STRN4: variants seen among roughly 807,000 people sequenced by gnomAD.
STRN4 encodes the protein striatin-4.
STRN4 carries 27 observed loss-of-function variants against 77.9 expected under a neutral mutation model. The ratio of observed to expected loss-of-function variants is 0.35; its 90% CI spans 0.26 to 0.48. The LOEUF (loss-of-function observed/expected upper bound fraction) is 0.48. STRN4 is among the 20% of genes least tolerant of loss of function. STRN4 has a pLI of 0.99. For synonymous variants in STRN4, 466 were observed against 443.1 expected, an observed-to-expected ratio of 1.05 and a Z score of -0.65; for missense variants, 798 against 1,049.7, an observed-to-expected ratio of 0.76 and a Z score of 3.31.
chr19:46,727,421 G>A (rs1178743697), intron 9 of STRN4, 31 bp downstream of exon 9: 1 of 1,588,910 alleles, frequency 6.3e-7, no homozygotes, highest in Non-Finnish European at 8.6e-7. Flanking sequence ...ATGCCAATGG[G>A]GACAGTGTGG....
rs1480102034 is a variant in STRN4, at chr19:46,724,839, G to A, written c.1562C>T (p.Pro521Leu). 1.9e-6 allele frequency: 3 copies of A among 1,613,792 alleles called. No individual in the cohort carries two copies. Among genetic ancestry groups the A allele is most frequent in the Non-Finnish European group, 2.5e-6 (3 of 1,180,028 alleles). Reference sequence around the variant, plus strand: ...ATCATAGGGATCCATGCTGAGGTCTGGAATCTTCCAACTATGGATGCAGGC... The same window carrying A: ...ATCATAGGGATCCATGCTGAGGTCTAGAATCTTCCAACTATGGATGCAGGC... ...ADACIHSWKIPDLSMDPYDGY... is the reference protein window; with the variant it reads ...ADACIHSWKILDLSMDPYDGY... The change falls in exon 12 of 18, where the codon CCA (proline) becomes CTA (leucine). Residue 521 changes from proline to leucine, a missense_variant. Around this residue, in one of 2 missense-constraint regions of STRN4, gnomAD observed 287 missense variants for 473.8 expected, o/e 0.61. Transcript: ENST00000263280.
rs528715000 is a variant in STRN4, at chr19:46,744,542, C to T, written c.282+1607G>A. ...GGGACTACAGGCGCATGTCACCACACCCGGCTAATTTTTGTACTTTTTTGT... is the reference window on the plus strand; with the variant it reads ...GGGACTACAGGCGCATGTCACCACATCCGGCTAATTTTTGTACTTTTTTGT... On this transcript the variant is annotated intron_variant, in intron 1 of 17. Transcript: ENST00000263280. Among the ~76,000 whole-genome samples the T allele has an allele frequency of 2.6e-5, 4 of 152,170 alleles. 1 individual carries two copies. The highest frequency in any genetic ancestry group is 2.6e-4 in the Admixed American group (4 of 15,274).
At chr19:46,729,457 G>A (rs984238452) in intron 6 of STRN4, among the ~76,000 whole-genome samples, 1 of 152,182 alleles carries the variant, frequency 6.6e-6, no homozygotes, top group Non-Finnish European at 1.5e-5. Flanking sequence ...CACCTCTCGG[G>A]CACCAGTGAG....
rs539622463 is a variant in STRN4 at position 46,721,089 on chromosome 19, AAAG to A, written c.2093-321_2093-319del. ...CGCTGCAGCTGGGCAACAGGAAGAG[AAAG>A]AAGAAAGCAACCCAGCCGGTCAGTG... On this transcript the variant is annotated intron_variant, in intron 16 of 17. Coordinates refer to ENST00000263280, the MANE Select transcript of STRN4 (RefSeq NM_013403.3). The A allele has an allele frequency of 9.5e-5, 24 of 252,860 alleles. No homozygotes were observed. In the South Asian group the frequency reaches 1.3e-3, roughly 13 times the overall value. The allele number at this position is 252,860 out of a possible 1,614,324, so 15.7% of individuals were successfully genotyped here.
chr19:46,727,665 G>A (rs1352202161), intron 8 of STRN4, 119 bp from the exon 9 acceptor site: 9 of 854,850 alleles, frequency 1.1e-5, no homozygotes, highest in African/African-American at 1.7e-5. Context: ...GAGAGAGACG[G>A]GGAGAGGACA....
At chr19:46,734,119 A>G (rs2054310427) in intron 4 of STRN4, among the ~76,000 whole-genome samples, 1 of 152,182 alleles carries the variant, frequency 6.6e-6, no homozygotes, top group African/African-American at 2.4e-5. Flanking sequence ...CCCCACCAAA[A>G]GAGAGACAGG....
At chr19:46,740,509 T>C (rs1054967201) in intron 1 of STRN4, among the ~76,000 whole-genome samples, 1 of 151,852 alleles carries the variant, frequency 6.6e-6, no homozygotes, top group Non-Finnish European at 1.5e-5. Flanking sequence ...AAATCTACTC[T>C]CTGAATCACT....
Position 46,722,329 on chromosome 19 carries a change from T to C in STRN4, c.1918A>G (p.Ile640Val). The change falls in exon 15 of 18, where the codon ATC (isoleucine) becomes GTC (valine). Residue 640 changes from isoleucine (I) to valine (V), a missense_variant. By Grantham distance (29) the Ile-to-Val change is conservative. Around this residue, in one of 2 missense-constraint regions of STRN4, gnomAD observed 287 missense variants for 473.8 expected, o/e 0.61. Coordinates refer to ENST00000263280, the MANE Select transcript of STRN4 (RefSeq NM_013403.3). ...ESRGSSGPTQ[I>V]NQVVSHPNQP... ...TTTGGATGACTCACCACTTGGTTGA[T>C]CTGGGTTGGACCTGAAGGAAAACGC... 1 of 1,614,100 alleles carries C rather than the reference T, an allele frequency of 6.2e-7. No individual in the cohort carries two copies. Among genetic ancestry groups the C allele is most frequent in the South Asian group, 1.1e-5 (1 of 91,080 alleles).
In STRN4 at chr19:46,725,519, C is replaced by G; in HGVS notation, c.1378G>C (p.Gly460Arg). 6.2e-7 allele frequency: 1 copy of G among 1,614,178 alleles called. No individual in the cohort carries two copies. The highest frequency in any genetic ancestry group is 8.5e-7 in the Non-Finnish European group (1 of 1,180,024). Reference sequence around the variant, plus strand: ...TGCAGGTTCCAGAGCTTGAGCGTGCCGTCCTCGGAGGCGGTGAGCAGAGCC... The same window carrying G: ...TGCAGGTTCCAGAGCTTGAGCGTGCGGTCCTCGGAGGCGGTGAGCAGAGCC... Reference protein sequence around the residue: ...QSALLTASEDGTLKLWNLQKA... With the variant: ...QSALLTASEDRTLKLWNLQKA... The change falls in exon 10 of 18, where the codon GGC (glycine) becomes CGC (arginine). Residue 460 changes from glycine (G) to arginine (R), a missense_variant. Around this residue, in one of 2 missense-constraint regions of STRN4, gnomAD observed 287 missense variants for 473.8 expected, o/e 0.61. Coordinates refer to ENST00000263280, the MANE Select transcript of STRN4 (RefSeq NM_013403.3).
At position 46,734,751 on chromosome 19, in the gene STRN4, G is replaced by A. The variant is rs542763910; in HGVS notation, c.540-1515C>T. Among the ~76,000 whole-genome samples the A allele has an allele frequency of 1.2e-4, 19 of 152,218 alleles. No homozygotes were observed. The South Asian group carries it at 3.7e-3, about 30-fold the overall frequency. ...ACGATCTCGGCTCACTGCAAGCTCC[G>A]TCTCCCGGGTTCACGCCATTCTCCT... On this transcript the variant is annotated intron_variant, in intron 4 of 17. Coordinates refer to ENST00000263280, the MANE Select transcript of STRN4 (RefSeq NM_013403.3).
chr19:46,737,181 A>G (rs968090881), intron 3 of STRN4, among the ~76,000 whole-genome samples: 6 of 152,208 alleles, frequency 3.9e-5, no homozygotes, highest in Non-Finnish European at 8.8e-5. Context: ...TGGTTCTGAG[A>G]GAAGGGCCGA....
In STRN4 at chr19:46,728,590, G is replaced by C. The variant is rs370821524; in HGVS notation, c.1039+28C>G. ...CACCCCCTCGGTGGGGAAGGCAAGC[G>C]GGGGCTGGCCAGAAAACGTCAGCTC... On this transcript the variant is annotated intron_variant, in intron 7 of 17. Transcript: ENST00000263280. 8.1e-6 allele frequency: 13 copies of C among 1,603,170 alleles called. No homozygotes were observed. In the Admixed American group the frequency reaches 1.7e-4, roughly 21 times the overall value.
chr19:46,725,902 T>C, intron 9 of STRN4: 1 of 519,036 alleles, frequency 1.9e-6, no homozygotes. Flanking sequence ...GGTCTTGCAG[T>C]TGAGAGGAAG....
chr19:46,722,659 TC>T, intron 14 of STRN4, 150 bp downstream of exon 14: 1 of 1,269,272 alleles, frequency 7.9e-7, no homozygotes, highest in Non-Finnish European at 1.1e-6. Flanking sequence ...CCGGGGGCCC[TC>T]CACTGGGACC....
At chr19:46,728,380 G>A (rs913492187) in intron 7 of STRN4, 12 of 613,698 alleles carry the variant, frequency 2.0e-5, no homozygotes, top group African/African-American at 5.6e-5. Flanking sequence ...GAGGGCTGGC[G>A]GCCCCACTTC....
chr19:46,720,460 ACTGCGGGGCT>A (rs2053950478), intron 17 of STRN4, 66 bp downstream of exon 17: 2 of 1,051,962 alleles, frequency 1.9e-6, no homozygotes, highest in East Asian at 6.2e-5. Context: ...CCCTGACTGG[ACTGCGGGGCT>A]CAGCACACCT....
rs1231183710 is a variant in STRN4, at chr19:46,733,645, G to GA, written c.540-410dup. 2.0e-5 allele frequency among the ~76,000 whole-genome samples: 3 copies of GA among 151,924 alleles called. No homozygotes were observed. The highest frequency in any genetic ancestry group is 2.9e-5 in the Non-Finnish European group (2 of 67,978). ...GATCCACATGATGCCAATGTTTGTA[G>GA]AAAAAAACAAAAAGGCGTTAATGTG... On this transcript the variant is annotated intron_variant, in intron 4 of 17. Transcript: ENST00000263280. This position sits in a 1 kb window ranked among gnomAD's most constrained non-coding sequence, Gnocchi z 4.3.
chr19:46,720,291 A>C lies in STRN4; in HGVS notation c.*114T>G. 3.7e-6 allele frequency: 1 copy of C among 266,828 alleles called. No individual in the cohort carries two copies. The allele number at this position is 266,828 out of a possible 1,614,324, so 16.5% of individuals were successfully genotyped here. On this transcript the variant is annotated 3_prime_UTR_variant, in exon 18 of 18. Transcript: ENST00000263280. The stretch of plus-strand genomic sequence containing the variant: ...GTTAGCACCACCAGGCTCCATGGCA[A>C]ACAGACAGAGGCCAGGCCTCTGCAC...
At chr19:46,725,728 G>C (rs313844) in intron 9 of STRN4, 80 bp from the exon 10 acceptor site, 1,477,928 of 1,529,314 alleles carry the variant, frequency 0.97, 714,257 homozygotes, top group East Asian at 1. Flanking sequence ...GGGCTTGAGG[G>C]CCCCTGTCTT....
Sources: gnomAD v4.1 joint callset for allele counts (sites outside exome capture counted in the v4.1 genomes callset) on GRCh38, gnomAD v4.1.1 for gene constraint, gnomAD v4.1.1 regional missense constraint, Gnocchi (gnomAD v3.1) non-coding constraint, MANE v1.5 for transcripts, NCBI Gene and HGNC (gene_info 2026-07-23, HGNC 2026-07-21) for gene names.